Variants in HS6ST2 observed in about 807,000 individuals in gnomAD.
HS6ST2 encodes heparan-sulfate 6-O-sulfotransferase 2.
In HS6ST2, 17 loss-of-function variants were observed where a neutral mutation model predicts 33.0. The ratio of observed to expected loss-of-function variants is 0.52; its 90% CI spans 0.35 to 0.77. The LOEUF (loss-of-function observed/expected upper bound fraction) is 0.77, where lower values mean the gene tolerates loss of function less well. Among genes scored for constraint, HS6ST2 ranks in the 30% least tolerant of loss-of-function variants. The pLI, the probability that HS6ST2 is intolerant of heterozygous loss-of-function variation, is 0.01. For synonymous variants in HS6ST2, 248 were observed against 237.1 expected (o/e 1.05, Z -0.42); for missense variants, 519 against 551.7 (o/e 0.94, Z 0.59).
intron 4 of HS6ST2, among the ~76,000 whole-genome samples, chrX:132,648,477 T>C (rs997094369): frequency 4.8e-5 from 5 of 103,215 alleles, no homozygotes; most frequent in Admixed American, 1.1e-4. Flanking sequence ...AACAAGTGGA[T>C]AGTTCCGGAG....
intron 4 of HS6ST2, among the ~76,000 whole-genome samples, chrX:132,637,835 TAA>T (rs1491218301): frequency 6.8e-5 from 3 of 44,175 alleles, no homozygotes; most frequent in African/African-American, 8.8e-4. Flanking sequence ...ATATTATATA[TAA>T]TATTTTATAT....
chrX:132,913,382 G>A (rs925965740), intron 2 of HS6ST2, among the ~76,000 whole-genome samples: 2 of 112,461 alleles, frequency 1.8e-5, no homozygotes. Context: ...CTCAGGCTGT[G>A]GATGGTGGGA....
At chrX:132,947,215 A>ATG (rs763433698) in intron 2 of HS6ST2, among the ~76,000 whole-genome samples, 4 of 107,982 alleles carry the variant, frequency 3.7e-5, no homozygotes, top group East Asian at 2.9e-4. Context: ...ATATATATAT[A>ATG]TGTGTGTGTG....
intron 2 of HS6ST2, among the ~76,000 whole-genome samples, chrX:132,950,225 C>T (rs1175899626): frequency 2.7e-5 from 3 of 111,780 alleles, no homozygotes; most frequent in Non-Finnish European, 5.6e-5. Flanking sequence ...ACCACATCTA[C>T]CTGGTTCTTC....
At chrX:132,713,133 T>C (rs1051776910) in intron 2 of HS6ST2, among the ~76,000 whole-genome samples, 3 of 111,043 alleles carry the variant, frequency 2.7e-5, no homozygotes, top group Non-Finnish European at 5.7e-5. Context: ...GTATCGGAAC[T>C]GACCAATCAG....
At chrX:132,896,983 C>T (rs919212470) in intron 2 of HS6ST2, among the ~76,000 whole-genome samples, 2 of 111,578 alleles carry the variant, frequency 1.8e-5, no homozygotes, top group African/African-American at 6.5e-5. Context: ...AGAAGGATTT[C>T]GACAGCATGT....
intron 2 of HS6ST2, among the ~76,000 whole-genome samples, chrX:132,883,628 G>A (rs1466915733): frequency 9.0e-6 from 1 of 110,913 alleles, no homozygotes; most frequent in Non-Finnish European, 1.9e-5. Context: ...TTTTAAGAGG[G>A]TCAAGATGTT....
chrX:132,694,091 G>A (rs2064086346), intron 3 of HS6ST2, among the ~76,000 whole-genome samples: 1 of 111,900 alleles, frequency 8.9e-6, no homozygotes, highest in African/African-American at 3.3e-5. Context: ...GCCTACTGGT[G>A]CCAGGCACTG....
chrX:132,737,189 G>A (rs2064517529), intron 2 of HS6ST2, among the ~76,000 whole-genome samples: 1 of 111,433 alleles, frequency 9.0e-6, no homozygotes, highest in African/African-American at 3.3e-5. Flanking sequence ...ATCTTAGACT[G>A]AGAATAACCT....
intron 2 of HS6ST2, among the ~76,000 whole-genome samples, chrX:132,894,666 A>G (rs962608311): frequency 1.8e-5 from 2 of 110,445 alleles, no homozygotes; most frequent in African/African-American, 6.6e-5. Context: ...CCTCCTGAGT[A>G]GCTGGGATTA....
At chrX:132,659,660 A>G (rs1330930569) in intron 4 of HS6ST2, among the ~76,000 whole-genome samples, 3 of 111,627 alleles carry the variant, frequency 2.7e-5, no homozygotes, top group Non-Finnish European at 5.6e-5. Flanking sequence ...AGCATGCAGG[A>G]TGTCTTCAGA....
At chrX:132,706,168 G>A (rs1259631207) in intron 3 of HS6ST2, among the ~76,000 whole-genome samples, 1 of 111,032 alleles carries the variant, frequency 9.0e-6, no homozygotes, top group Non-Finnish European at 1.9e-5. Context: ...AGTGTGACGG[G>A]ATGATCTTAA....
chrX:132,853,915 C>A (rs866836669), intron 2 of HS6ST2, among the ~76,000 whole-genome samples: 13 of 110,057 alleles, frequency 1.2e-4, no homozygotes, highest in Admixed American at 6.8e-4. Flanking sequence ...CGAAACTACT[C>A]GGGAGGCTGA....
intron 2 of HS6ST2, among the ~76,000 whole-genome samples, chrX:132,945,031 G>A (rs925458561): frequency 3.6e-5 from 4 of 111,941 alleles, no homozygotes; most frequent in African/African-American, 6.5e-5. Context: ...AAGAGCGTCT[G>A]CACAGCAAAA....
intron 4 of HS6ST2, among the ~76,000 whole-genome samples, chrX:132,654,138 C>CA (rs1249207400): frequency 9.1e-6 from 1 of 109,798 alleles, no homozygotes; most frequent in African/African-American, 3.3e-5. Flanking sequence ...GTGTTCTTAT[C>CA]AAAAAACAAA....
chrX:132,781,237 G>A (rs2065014469), intron 2 of HS6ST2, among the ~76,000 whole-genome samples: 1 of 111,990 alleles, frequency 8.9e-6, no homozygotes, highest in South Asian at 3.7e-4. Flanking sequence ...AAGGTTAAAA[G>A]GCTAGGTAGA....
intron 3 of HS6ST2, among the ~76,000 whole-genome samples, chrX:132,674,340 T>A (rs1215043241): frequency 3.6e-5 from 4 of 112,101 alleles, no homozygotes; most frequent in African/African-American, 1.3e-4. Flanking sequence ...GCATTTAACT[T>A]CTTGCTGTCT....
intron 2 of HS6ST2, among the ~76,000 whole-genome samples, chrX:132,795,510 G>A (rs979203786): frequency 2.7e-5 from 3 of 112,086 alleles, no homozygotes; most frequent in Non-Finnish European, 3.8e-5. Flanking sequence ...AAGCCCTTCC[G>A]TACAAGAAGC....
At chrX:132,749,472 G>A (rs1413221994) in intron 2 of HS6ST2, among the ~76,000 whole-genome samples, 5 of 112,499 alleles carry the variant, frequency 4.4e-5, no homozygotes, top group East Asian at 2.8e-4. Flanking sequence ...ATATTTGGCC[G>A]TGTTAGACTG....
Sources: gnomAD v4.1 joint callset for allele counts (sites outside exome capture counted in the v4.1 genomes callset) on GRCh38, gnomAD v4.1.1 for gene constraint, MANE v1.5 for transcripts, NCBI Gene and HGNC (gene_info 2026-07-23, HGNC 2026-07-21) for gene names.